The following ABCA4 variants were observed in gnomAD, a reference collection of about 807,000 sequenced individuals.
ABCA4 encodes retinal-specific phospholipid-transporting ATPase ABCA4.
In ABCA4, 196 loss-of-function variants were observed where a neutral mutation model predicts 263.7. The ratio of observed to expected loss-of-function variants is 0.74; its 90% CI spans 0.66 to 0.84. The LOEUF is 0.84. ABCA4 is among the 40% of genes least tolerant of loss of function. The pLI is 0.00. For synonymous variants in ABCA4, 1,133 were observed against 1,094.2 expected, an observed-to-expected ratio of 1.04 and a Z score of -0.70; for missense variants, 2,792 against 2,855.1, an observed-to-expected ratio of 0.98 and a Z score of 0.50.
chr1:94,024,148 C>T (rs1659974539), intron 31 of ABCA4, among the ~76,000 whole-genome samples: 1 of 152,094 alleles, frequency 6.6e-6, no homozygotes, highest in South Asian at 2.1e-4. Context: ...TCAATTTATC[C>T]CTCGTTCAGG....
At chr1:94,051,123 A>C (rs1372784938) in intron 17 of ABCA4, among the ~76,000 whole-genome samples, 1 of 152,246 alleles carries the variant, frequency 6.6e-6, no homozygotes, top group Non-Finnish European at 1.5e-5. Context: ...AGAAAGATCA[A>C]CACCAGGAGA....
Position 94,032,494 on chromosome 1 carries a change from G to A in ABCA4, c.3863-451C>T, listed in dbSNP as rs137982197. 5.5e-3 allele frequency among the ~76,000 whole-genome samples: 836 copies of A among 152,254 alleles called. 8 individuals carry two copies. The highest frequency in any genetic ancestry group is 0.019 in the African/African-American group (796 of 41,542). On this transcript the variant is annotated intron_variant, in intron 26 of 49. Transcript: ENST00000370225. Reference sequence around the variant, plus strand: ...TCTACAAAAATACAAAAATTAGCCAGGCATGGTGGCAGGCACCTGTAATCC... The same window carrying A: ...TCTACAAAAATACAAAAATTAGCCAAGCATGGTGGCAGGCACCTGTAATCC...
intron 6 of ABCA4, among the ~76,000 whole-genome samples, chr1:94,093,839 T>C (rs543540156): frequency 1.3e-4 from 20 of 152,344 alleles, no homozygotes; most frequent in African/African-American, 4.6e-4. Flanking sequence ...TTGATGGTAA[T>C]AGGTAAAGAT....
rs4147854 is a variant in ABCA4, at chr1:94,012,981, C to T, written c.5460+1562G>A. Reference sequence around the variant, plus strand: ...GGGGGTTTCCATAGCAGCTGTGTATCGGATAATTTACATGAAAATACCAGG... The same window carrying T: ...GGGGGTTTCCATAGCAGCTGTGTATTGGATAATTTACATGAAAATACCAGG... On this transcript the variant is annotated intron_variant, in intron 38 of 49. Transcript: ENST00000370225. Among the ~76,000 whole-genome samples the T allele has an allele frequency of 1.7e-3, 262 of 152,276 alleles. 6 individuals are homozygous for T. In the East Asian group the frequency reaches 0.046, roughly 27 times the overall value.
Position 94,041,308 on chromosome 1 carries a change from T to C in ABCA4, c.3423A>G (p.Ser1141=). 1 of 1,614,126 alleles carries C rather than the reference T, an allele frequency of 6.2e-7. No individual in the cohort carries two copies. The highest frequency in any genetic ancestry group is 8.5e-7 in the Non-Finnish European group (1 of 1,180,006). The change falls in exon 23 of 50, where the codon TCA becomes TCG. Residue 1141 remains serine (S), a synonymous_variant. Coordinates refer to ENST00000370225, the MANE Select transcript of ABCA4 (RefSeq NM_000350.3). Reference sequence around the variant, plus strand: ...AGTTCTTCAGGAAGAGTGGGGTGCCTGAGCAGTAGAGCCTTCCCTGGGCAA... The same window carrying C: ...AGTTCTTCAGGAAGAGTGGGGTGCCCGAGCAGTAGAGCCTTCCCTGGGCAA... ...AIIAQGRLYC[S]GTPLFLKNCF...
In ABCA4 at chr1:94,097,214, C is replaced by T. The variant is rs77179923; in HGVS notation, c.768+1580G>A. On this transcript the variant is annotated intron_variant, in intron 6 of 49. Transcript: ENST00000370225. Reference sequence around the variant, plus strand: ...TCTCACTGATGGTGGCATCCCTAGGCTCTGACCCTTCATACTCACTCTGGG... The same window carrying T: ...TCTCACTGATGGTGGCATCCCTAGGTTCTGACCCTTCATACTCACTCTGGG... 8.8e-3 allele frequency among the ~76,000 whole-genome samples: 1,347 copies of T among 152,324 alleles called. 20 individuals are homozygous for T. The highest frequency in any genetic ancestry group is 0.046 in the East Asian group (238 of 5,182).
chr1:94,023,993 A>G lies in ABCA4; in HGVS notation c.4635-575T>C, dbSNP rs555428074. 2.7e-4 allele frequency among the ~76,000 whole-genome samples: 41 copies of G among 152,240 alleles called. No homozygotes were observed. The South Asian group carries it at 8.3e-3, about 31-fold the overall frequency. On this transcript the variant is annotated intron_variant, in intron 31 of 49. Transcript: ENST00000370225. ...ACACGCACAAAATCCAAAATTTCAT[A>G]CTGGAGATTTGCTGCTGAGAACTCA...
chr1:94,043,474 G>T lies in ABCA4; in HGVS notation c.3052C>A (p.Leu1018Ile). The change falls in exon 21 of 50, where the codon CTC becomes ATC. Residue 1018 changes from leucine to isoleucine, a missense_variant and splice_region_variant. Leu to Ile is a conservative substitution (Grantham distance 5, BLOSUM62 2). Transcript: ENST00000370225. ...AACAGCATGTGCTCAGCCACCGTGA[G>T]GCTAGGAGGATGGGACAACGAGAAA... The part of the protein sequence containing the change: ...CPQHNILFHH[L>I]TVAEHMLFYA... 6.2e-7 allele frequency: 1 copy of T among 1,614,168 alleles called. No homozygotes were observed. Among genetic ancestry groups the T allele is most frequent in the South Asian group, 1.1e-5 (1 of 91,078 alleles).
intron 18 of ABCA4, among the ~76,000 whole-genome samples, chr1:94,047,594 T>C (rs2101058178): frequency 6.6e-6 from 1 of 152,216 alleles, no homozygotes; most frequent in South Asian, 2.1e-4. Flanking sequence ...GCGGCTTAGG[T>C]TCTTCATCTT....
chr1:94,025,760 C>T (rs1660026014), intron 30 of ABCA4, among the ~76,000 whole-genome samples: 1 of 152,220 alleles, frequency 6.6e-6, no homozygotes, highest in African/African-American at 2.4e-5. Context: ...TCATAGCTCT[C>T]ATTTCCATCT....
chr1:94,116,955 CCTTTCTTTCTTTCT>C (rs201094316), intron 1 of ABCA4, among the ~76,000 whole-genome samples: 2,024 of 134,848 alleles, frequency 0.015, 19 homozygotes, highest in East Asian at 0.036. Flanking sequence ...CTCCCTCCCT[CCTTTCTTTCTTTCT>C]CTTTCTTTCT....
rs916892324 is a variant in ABCA4 at position 94,103,775 on chromosome 1, G to T, written c.443-633C>A. Among the ~76,000 whole-genome samples, 7 of 152,302 alleles carry T rather than the reference G, an allele frequency of 4.6e-5. No homozygotes were observed. The East Asian group carries it at 1.4e-3, about 29-fold the overall frequency. On this transcript the variant is annotated intron_variant, in intron 4 of 49. Coordinates refer to ENST00000370225, the MANE Select transcript of ABCA4 (RefSeq NM_000350.3). Reference sequence around the variant, plus strand: ...CTCAGGGCACTGACATGGACTAAGAGAAATGAGTTGGGGCCATTAAGGGCA... The same window carrying T: ...CTCAGGGCACTGACATGGACTAAGATAAATGAGTTGGGGCCATTAAGGGCA...
At chr1:94,111,080 G>A (rs1476027426) in intron 3 of ABCA4, among the ~76,000 whole-genome samples, 1 of 152,206 alleles carries the variant, frequency 6.6e-6, no homozygotes, top group African/African-American at 2.4e-5. Flanking sequence ...GGTTGATCAG[G>A]GTGAGGGAAC....
At position 94,056,591 on chromosome 1, in the gene ABCA4, A is replaced by C. The variant is rs1660982907; in HGVS notation, c.2382+10T>G. ...GTGTTGTAGGACAGGGGCCAGCCCAAGGGCCTCACCACAGCCTTCTTCAGC... is the reference window on the plus strand; with the variant it reads ...GTGTTGTAGGACAGGGGCCAGCCCACGGGCCTCACCACAGCCTTCTTCAGC... On this transcript the variant is annotated intron_variant, in intron 15 of 49. Coordinates refer to ENST00000370225, the MANE Select transcript of ABCA4 (RefSeq NM_000350.3). 2 of 1,611,802 alleles carry C rather than the reference A, an allele frequency of 1.2e-6. No homozygotes were observed. Among genetic ancestry groups the C allele is most frequent in the South Asian group, 2.2e-5 (2 of 90,808 alleles).
chr1:94,004,359 C>T (rs1324161765), intron 44 of ABCA4, among the ~76,000 whole-genome samples: 1 of 152,120 alleles, frequency 6.6e-6, no homozygotes, highest in Non-Finnish European at 1.5e-5. Context: ...TTCTGGGTCC[C>T]AATAACATCA....
intron 24 of ABCA4, among the ~76,000 whole-genome samples, chr1:94,038,988 T>C (rs2101045669): frequency 6.6e-6 from 1 of 152,268 alleles, no homozygotes; most frequent in Middle Eastern, 3.4e-3. Context: ...AAAAAAAGAA[T>C]CATTCAGCCA....
intron 26 of ABCA4, among the ~76,000 whole-genome samples, chr1:94,032,399 G>A (rs554973741): frequency 6.6e-6 from 1 of 152,314 alleles, no homozygotes; most frequent in East Asian, 1.9e-4. Context: ...CACTTTGGGA[G>A]GCTGAGGTGG....
At position 94,015,650 on chromosome 1, in the gene ABCA4, C is replaced by G; in HGVS notation, c.5312+89G>C. On this transcript the variant is annotated intron_variant, in intron 37 of 49. Transcript: ENST00000370225. The stretch of plus-strand genomic sequence containing the variant: ...ACTTGTGGGTGCTACCACCACAGGA[C>G]AGCCCAGGTTTTCTGTCAGGAGATG... 2.7e-6 allele frequency: 3 copies of G among 1,102,732 alleles called. No individual in the cohort carries two copies. In the South Asian group the frequency reaches 4.0e-5, roughly 15 times the overall value. 68.3% of individuals were successfully genotyped at this position (1,102,732 alleles called of 1,614,324 possible).
At chr1:94,011,778 C>T (rs1480109052) in intron 38 of ABCA4, among the ~76,000 whole-genome samples, 1 of 152,218 alleles carries the variant, frequency 6.6e-6, no homozygotes, top group Non-Finnish European at 1.5e-5. Context: ...TGTCCTTACC[C>T]CTCCCCTAGG....
Sources: allele counts gnomAD v4.1 joint callset (sites outside exome capture counted in the v4.1 genomes callset), GRCh38; gene constraint gnomAD v4.1.1; transcripts MANE v1.5; gene names NCBI Gene and HGNC (gene_info 2026-07-23, HGNC 2026-07-21).